TMEM132D: variants seen among roughly 807,000 people sequenced by gnomAD.
The protein encoded by TMEM132D is mature OL transmembrane protein.
In TMEM132D, 21 loss-of-function variants were observed where a neutral mutation model predicts 62.3. The ratio of observed to expected loss-of-function variants is 0.34; its 90% CI spans 0.24 to 0.49. The LOEUF (loss-of-function observed/expected upper bound fraction) is 0.49, where lower values mean the gene tolerates loss of function less well. Ranked by LOEUF, TMEM132D falls within the 20% of genes least tolerant of loss-of-function variation. TMEM132D has a pLI of 0.99. For synonymous variants in TMEM132D, 621 were observed against 575.6 expected (o/e 1.08, Z -1.13); for missense variants, 1,346 against 1,402.8 (o/e 0.96, Z 0.65).
intron 3 of TMEM132D, among the ~76,000 whole-genome samples, chr12:129,483,898 C>T (rs1874503778): frequency 6.6e-6 from 1 of 152,182 alleles, no homozygotes; most frequent in Non-Finnish European, 1.5e-5. Flanking sequence ...TTAGTTTGCA[C>T]CTGCCAAAAC....
intron 3 of TMEM132D, among the ~76,000 whole-genome samples, chr12:129,507,293 A>G (rs1293710232): frequency 2.0e-5 from 3 of 152,210 alleles, no homozygotes; most frequent in Admixed American, 2.0e-4. Flanking sequence ...ACTATGCAAA[A>G]AAGTGTGGAG....
At chr12:129,107,066 C>T (rs765918692) in intron 5 of TMEM132D, among the ~76,000 whole-genome samples, 1 of 152,142 alleles carries the variant, frequency 6.6e-6, no homozygotes, top group Non-Finnish European at 1.5e-5. Flanking sequence ...TCATCTAGAA[C>T]AGTGCTTGGC....
At chr12:129,590,277 G>C (rs1878152286) in intron 2 of TMEM132D, among the ~76,000 whole-genome samples, 1 of 152,080 alleles carries the variant, frequency 6.6e-6, no homozygotes, top group Non-Finnish European at 1.5e-5. Flanking sequence ...TTGCTCCTGA[G>C]ACACAAAGGG....
chr12:129,260,517 A>T (rs1018475330), intron 4 of TMEM132D, among the ~76,000 whole-genome samples: 1 of 152,104 alleles, frequency 6.6e-6, no homozygotes, highest in Non-Finnish European at 1.5e-5. Context: ...TTTAATTTTT[A>T]TTTTTTTAAT....
At chr12:129,452,104 G>C (rs1391181112) in intron 3 of TMEM132D, among the ~76,000 whole-genome samples, 1 of 152,188 alleles carries the variant, frequency 6.6e-6, no homozygotes, top group African/African-American at 2.4e-5. Flanking sequence ...CATGTCCTCT[G>C]AGACACCATG....
chr12:129,264,204 C>T (rs1880626618), intron 4 of TMEM132D, among the ~76,000 whole-genome samples: 1 of 152,142 alleles, frequency 6.6e-6, no homozygotes. Context: ...GCCTGGGCAA[C>T]ATGGCAAAAC....
intron 3 of TMEM132D, among the ~76,000 whole-genome samples, chr12:129,455,174 C>T (rs1593016579): frequency 6.6e-6 from 1 of 152,176 alleles, no homozygotes; most frequent in East Asian, 1.9e-4. Context: ...TATTCAAAGA[C>T]AGGCTATAAA....
Position 129,086,199 on chromosome 12 carries a change from C to CATGT in TMEM132D, c.1444-1498_1444-1497insACAT, listed in dbSNP as rs1555228440. ...CCATCACCTCACATAGTCACGCGCGCGCGTGTGTGTGTGTGTGTGTGTGTG... is the reference window on the plus strand; with the variant it reads ...CCATCACCTCACATAGTCACGCGCGCATGTGCGTGTGTGTGTGTGTGTGTGTGTG... On this transcript the variant is annotated intron_variant, in intron 5 of 8. Coordinates refer to ENST00000422113, the MANE Select transcript of TMEM132D (RefSeq NM_133448.3). Among the ~76,000 whole-genome samples the CATGT allele has an allele frequency of 4.1e-4, 48 of 116,182 alleles. No individual in the cohort carries two copies. The South Asian group carries it at 0.013, about 32-fold the overall frequency. The allele number at this position is 116,182 out of a possible 152,430, so 76.2% of individuals were successfully genotyped here.
chr12:129,606,607 C>T lies in TMEM132D; in HGVS notation c.969-75402G>A, dbSNP rs562331820. Among the ~76,000 whole-genome samples the T allele has an allele frequency of 1.2e-4, 18 of 152,224 alleles. No homozygotes were observed. The East Asian group carries it at 3.1e-3, about 26-fold the overall frequency. ...CAAGGTCATCCTCCATCACTCCAAC[C>T]CCAATACAGGCACTACAGAAAACAC... On this transcript the variant is annotated intron_variant, in intron 2 of 8. Transcript: ENST00000422113.
At chr12:129,108,755 C>A (rs1405529895) in intron 5 of TMEM132D, among the ~76,000 whole-genome samples, 1 of 152,200 alleles carries the variant, frequency 6.6e-6, no homozygotes, top group African/African-American at 2.4e-5. Flanking sequence ...GTCTTGAGTT[C>A]TCAATATTTT....
intron 4 of TMEM132D, among the ~76,000 whole-genome samples, chr12:129,312,476 C>T (rs1040939307): frequency 6.6e-6 from 1 of 152,222 alleles, no homozygotes. Flanking sequence ...GGACATCTAT[C>T]ATTCATTCAT....
intron 3 of TMEM132D, among the ~76,000 whole-genome samples, chr12:129,488,750 C>T (rs1243471491): frequency 3.9e-5 from 6 of 151,910 alleles, no homozygotes; most frequent in South Asian, 2.1e-4. Flanking sequence ...CTTCAAGATG[C>T]GGCCAGACAG....
At chr12:129,146,548 G>A (rs945655515) in intron 5 of TMEM132D, among the ~76,000 whole-genome samples, 2 of 152,054 alleles carry the variant, frequency 1.3e-5, no homozygotes, top group Admixed American at 1.3e-4. Flanking sequence ...ACAAATAATA[G>A]AAACTCCTTT....
intron 5 of TMEM132D, among the ~76,000 whole-genome samples, chr12:129,117,651 G>T (rs1359982633): frequency 6.6e-6 from 1 of 152,126 alleles, no homozygotes; most frequent in Non-Finnish European, 1.5e-5. Flanking sequence ...GTATGACCCT[G>T]CCCTGGGTAT....
intron 1 of TMEM132D, among the ~76,000 whole-genome samples, chr12:129,730,889 G>A (rs1248846214): frequency 6.6e-6 from 1 of 152,076 alleles, no homozygotes; most frequent in South Asian, 2.1e-4. Flanking sequence ...ACTGAAGGCT[G>A]TGCTGTTGGT....
intron 1 of TMEM132D, among the ~76,000 whole-genome samples, chr12:129,815,975 G>A (rs933983560): frequency 3.3e-5 from 5 of 152,274 alleles, no homozygotes; most frequent in African/African-American, 9.6e-5. Flanking sequence ...GATGACTGAC[G>A]GCCTGTGGTT....
chr12:129,539,863 C>T (rs1363887656), intron 2 of TMEM132D, among the ~76,000 whole-genome samples: 5 of 152,268 alleles, frequency 3.3e-5, no homozygotes, highest in South Asian at 2.1e-4. Flanking sequence ...AAGCCAGAAA[C>T]GGGCTAGCCA....
rs1444401086 is a variant in TMEM132D at position 129,538,680 on chromosome 12, T to C, written c.969-7475A>G. On this transcript the variant is annotated intron_variant, in intron 2 of 8. Transcript: ENST00000422113. ...TATACTGCAATACAAGTTATGGCAA[T>C]GCGGTCTCTCTCAAAATACCTTCTT... 2.3e-4 allele frequency among the ~76,000 whole-genome samples: 35 copies of C among 152,246 alleles called. 1 individual carries two copies. The highest frequency in any genetic ancestry group is 2.3e-3 in the Admixed American group (35 of 15,292).
intron 1 of TMEM132D, among the ~76,000 whole-genome samples, chr12:129,720,142 C>T (rs112192858): frequency 1.3e-5 from 2 of 152,212 alleles, no homozygotes; most frequent in African/African-American, 4.8e-5. Context: ...ACCTTGCACG[C>T]AGGAATGGTG....
Sources: allele counts gnomAD v4.1 joint callset (sites outside exome capture counted in the v4.1 genomes callset), GRCh38; gene constraint gnomAD v4.1.1; transcripts MANE v1.5; gene names NCBI Gene and HGNC (gene_info 2026-07-23, HGNC 2026-07-21).